ZDHHC21: variants seen among roughly 807,000 people sequenced by gnomAD.
ZDHHC21 encodes zDHHC palmitoyltransferase 21.
ZDHHC21 carries 15 observed loss-of-function variants against 34.6 expected under a neutral mutation model. The ratio of observed to expected loss-of-function variants is 0.43; its 90% CI spans 0.29 to 0.67. The LOEUF is 0.67. Among genes scored for constraint, ZDHHC21 ranks in the 30% least tolerant of loss-of-function variants. The probability of loss-of-function intolerance (pLI) is 0.14; values close to 1 mark genes in which losing one functional copy is unlikely to be tolerated. For missense variants in ZDHHC21, 344 were observed against 327.7 expected (o/e 1.05, Z -0.38); for synonymous variants, 142 against 101.8 (o/e 1.40, Z -2.38).
rs1024632692 is a variant in ZDHHC21 at position 14,615,654 on chromosome 9, G to C, written c.*3312C>G. 1 of 151,524 alleles carries C rather than the reference G, an allele frequency of 6.6e-6. No individual in the cohort carries two copies. Among genetic ancestry groups the C allele is most frequent in the African/African-American group, 2.4e-5 (1 of 41,340 alleles). 9.4% of individuals were successfully genotyped at this position (151,524 alleles called of 1,614,324 possible). On this transcript the variant is annotated 3_prime_UTR_variant, in exon 10 of 10. Coordinates refer to ENST00000380916, the MANE Select transcript of ZDHHC21 (RefSeq NM_178566.6). Reference sequence around the variant, plus strand: ...GAATGCCTACTGCTTGAAGGGTCCTGAACTCAGTCCATTTTTGCCTACAAT... The same window carrying C: ...GAATGCCTACTGCTTGAAGGGTCCTCAACTCAGTCCATTTTTGCCTACAAT...
At chr9:14,619,538 G>C in intron 9 of ZDHHC21, 101 bp downstream of exon 9, 1 of 985,708 alleles carries the variant, frequency 1.0e-6, no homozygotes, top group Non-Finnish European at 1.5e-6. Context: ...CCAAGAAAAA[G>C]CCATCATTAT....
chr9:14,646,261 A>G (rs577581574), intron 7 of ZDHHC21, among the ~76,000 whole-genome samples: 11 of 152,162 alleles, frequency 7.2e-5, no homozygotes, highest in Non-Finnish European at 1.5e-4. Flanking sequence ...AATCTTCCAA[A>G]TGTTGCCCAA....
chr9:14,659,727 T>TA (rs1280199476), intron 6 of ZDHHC21, among the ~76,000 whole-genome samples: 1 of 152,198 alleles, frequency 6.6e-6, no homozygotes, highest in African/African-American at 2.4e-5. Flanking sequence ...ACTTTGTCAT[T>TA]AAACCATTTT....
chr9:14,648,909 GTTT>G (rs1179087817), intron 7 of ZDHHC21, among the ~76,000 whole-genome samples: 1 of 151,404 alleles, frequency 6.6e-6, no homozygotes, highest in Non-Finnish European at 1.5e-5. Flanking sequence ...ACTTTTCTGT[GTTT>G]TTATAAGACT....
chr9:14,605,495 ATC>A, the ZDHHC21 span, among the ~76,000 whole-genome samples: 1 of 152,150 alleles, frequency 6.6e-6, no homozygotes, highest in Non-Finnish European at 1.5e-5. Flanking sequence ...TTGGAGAAAT[ATC>A]TATTAAAGTC....
chr9:14,607,048 A>G (rs1449638019), downstream of ZDHHC21, among the ~76,000 whole-genome samples: 1 of 151,232 alleles, frequency 6.6e-6, no homozygotes, highest in Non-Finnish European at 1.5e-5. Context: ...ATATTTCTGC[A>G]CAAGACTGTC....
Position 14,679,413 on chromosome 9 carries a change from TATAGA to T in ZDHHC21, c.-46+615_-46+619del, listed in dbSNP as rs542774803. On this transcript the variant is annotated intron_variant, in intron 3 of 9. Transcript: ENST00000380916. ...AAAATTAAGTGTTCGGGAAGCAACT[TATAGA>T]ATAGTTTATATAACATTTTTGTTAG... Among the ~76,000 whole-genome samples the T allele has an allele frequency of 1.2e-4, 19 of 152,262 alleles. No individual in the cohort carries two copies. The South Asian group carries it at 3.7e-3, about 30-fold the overall frequency.
rs1410442000 is a variant in ZDHHC21 at position 14,616,501 on chromosome 9, G to T, written c.*2465C>A. On this transcript the variant is annotated 3_prime_UTR_variant, in exon 10 of 10. Transcript: ENST00000380916. ...TTTGTACTTTTGATATGTTCAGAAT[G>T]TGGCTATACTATTTACTTATGGGGC... 1 of 151,732 alleles carries T rather than the reference G, an allele frequency of 6.6e-6. No individual in the cohort carries two copies. Among genetic ancestry groups the T allele is most frequent in the Non-Finnish European group, 1.5e-5 (1 of 67,790 alleles). 9.4% of individuals were successfully genotyped at this position (151,732 alleles called of 1,614,324 possible). A position where few individuals can be genotyped will look rare whatever the true frequency, so the allele number is the denominator to read the frequency against.
At chr9:14,608,952 A>T (rs554967735), downstream of ZDHHC21, among the ~76,000 whole-genome samples, 139 of 152,254 alleles carry the variant, frequency 9.1e-4, 1 homozygote, top group African/African-American at 3.0e-3. Flanking sequence ...TACATATTTT[A>T]AGTGTTCAAA....
At chr9:14,681,802 A>T (rs529537673) in intron 2 of ZDHHC21, among the ~76,000 whole-genome samples, 2 of 151,686 alleles carry the variant, frequency 1.3e-5, no homozygotes, top group South Asian at 4.2e-4. Flanking sequence ...GCATACTAAA[A>T]ATGGGCAGAT....
chr9:14,686,179 T>G (rs765229434), intron 2 of ZDHHC21, among the ~76,000 whole-genome samples: 1 of 151,704 alleles, frequency 6.6e-6, no homozygotes, highest in Non-Finnish European at 1.5e-5. Flanking sequence ...GTTGTGCACA[T>G]GTACCCTAGA....
intron 8 of ZDHHC21, chr9:14,622,447 A>G (rs551427332): frequency 4.9e-6 from 4 of 813,960 alleles, no homozygotes; most frequent in African/African-American, 3.8e-5. Context: ...GGAGAAAGAG[A>G]TATCTCTTGG....
chr9:14,644,454 G>C (rs902181173), intron 7 of ZDHHC21, among the ~76,000 whole-genome samples: 1 of 151,886 alleles, frequency 6.6e-6, no homozygotes, highest in Admixed American at 6.6e-5. Context: ...CCAACCTGGA[G>C]GGAAGAAGTC....
At chr9:14,672,149 T>A (rs943202060) in intron 5 of ZDHHC21, among the ~76,000 whole-genome samples, 1 of 152,048 alleles carries the variant, frequency 6.6e-6, no homozygotes, top group South Asian at 2.1e-4. Context: ...TCAGAGTAAT[T>A]CAATAAAAAA....
intron 4 of ZDHHC21, among the ~76,000 whole-genome samples, 162 bp from the exon 5 acceptor site, chr9:14,673,090 C>A (rs980047671): frequency 2.0e-5 from 3 of 151,894 alleles, no homozygotes; most frequent in Non-Finnish European, 4.4e-5. Context: ...CCAAATAACA[C>A]TGTCAGGAGG....
At chr9:14,657,881 C>T (rs983785975) in intron 7 of ZDHHC21, among the ~76,000 whole-genome samples, 1 of 152,160 alleles carries the variant, frequency 6.6e-6, no homozygotes, top group Admixed American at 6.5e-5. Flanking sequence ...AAACAGATTA[C>T]TCCAGGGAAT....
At chr9:14,653,978 A>T (rs977849587) in intron 7 of ZDHHC21, among the ~76,000 whole-genome samples, 1 of 152,048 alleles carries the variant, frequency 6.6e-6, no homozygotes, top group Non-Finnish European at 1.5e-5. Context: ...AAAATCTCAG[A>T]GAAAGTAGAC....
chr9:14,591,724 C>T, the ZDHHC21 span, among the ~76,000 whole-genome samples: 1 of 151,978 alleles, frequency 6.6e-6, no homozygotes, highest in Non-Finnish European at 1.5e-5. Context: ...AAGAAAAAAG[C>T]CAATTTCACT....
intron 2 of ZDHHC21, among the ~76,000 whole-genome samples, chr9:14,685,987 T>C (rs1218228503): frequency 6.7e-6 from 1 of 149,924 alleles, no homozygotes; most frequent in African/African-American, 2.5e-5. Flanking sequence ...TTCTCACTCA[T>C]AGGTGGGAAC....
Sources: gnomAD v4.1 joint callset for allele counts (sites outside exome capture counted in the v4.1 genomes callset) on GRCh38, gnomAD v4.1.1 for gene constraint, MANE v1.5 for transcripts, NCBI Gene and HGNC (gene_info 2026-07-23, HGNC 2026-07-21) for gene names.